Variants in ERC1 observed in about 807,000 individuals in gnomAD.
ERC1 encodes the protein RAB6 interacting protein 2.
In ERC1, 56 loss-of-function variants were observed where a neutral mutation model predicts 132.0. The ratio of observed to expected loss-of-function variants is 0.42; its 90% CI spans 0.34 to 0.53. The LOEUF (loss-of-function observed/expected upper bound fraction) is 0.53. ERC1 is among the 20% of genes least tolerant of loss of function. ERC1 has a pLI of 0.03. For synonymous variants in ERC1, 478 were observed against 476.1 expected (o/e 1.00, Z -0.05); for missense variants, 1,202 against 1,349.9 (o/e 0.89, Z 1.72).
At chr12:1,110,111 T>C in intron 4 of ERC1, 81 bp from the exon 5 acceptor site, 1 of 1,189,306 alleles carries the variant, frequency 8.4e-7, no homozygotes, top group African/African-American at 1.6e-5. Context: ...TTATTAAATG[T>C]AACTTCTTTA....
chr12:1,394,244 C>G (rs1354922922), intron 16 of ERC1, among the ~76,000 whole-genome samples: 1 of 146,560 alleles, frequency 6.8e-6, no homozygotes, highest in African/African-American at 2.5e-5. Context: ...ACTAAAAATA[C>G]AAAAAATTAG....
At chr12:1,254,728 G>A (rs975095705) in intron 13 of ERC1, among the ~76,000 whole-genome samples, 2 of 152,080 alleles carry the variant, frequency 1.3e-5, no homozygotes. Flanking sequence ...GGCCAGGCTG[G>A]TCTTGAACTC....
chr12:1,048,494 G>A (rs1355120871), intron 2 of ERC1, among the ~76,000 whole-genome samples: 1 of 152,132 alleles, frequency 6.6e-6, no homozygotes, highest in East Asian at 1.9e-4. Context: ...GGCTTCAGAG[G>A]ATCTTGAAAC....
At chr12:1,244,692 TGTGTGTC>T in intron 13 of ERC1, 1 of 377,728 alleles carries the variant, frequency 2.6e-6, no homozygotes, top group Non-Finnish European at 5.3e-6. Context: ...TGGCTAATTT[TGTGTGTC>T]TGTTTTTATT....
Position 1,493,378 on chromosome 12 carries a change from T to C in ERC1, c.*3148T>C. The C allele has an allele frequency of 5.8e-6, 1 of 173,118 alleles. No homozygotes were observed. Among genetic ancestry groups the C allele is most frequent in the Non-Finnish European group, 1.2e-5 (1 of 80,158 alleles). The allele number at this position is 173,118 out of a possible 1,614,324, so 10.7% of individuals were successfully genotyped here. ...GCCAAGATGGCAAAAACCCCGACTC[T>C]ACTAAAAATACAAAATTAGCCAGGC... On this transcript the variant is annotated 3_prime_UTR_variant, in exon 19 of 19. Transcript: ENST00000360905.
At chr12:1,440,250 G>A (rs1384287367) in intron 17 of ERC1, among the ~76,000 whole-genome samples, 3 of 139,854 alleles carry the variant, frequency 2.1e-5, no homozygotes, top group Non-Finnish European at 3.0e-5. Flanking sequence ...TGTCGCCCAG[G>A]CTGGAGTGCA....
intron 12 of ERC1, among the ~76,000 whole-genome samples, chr12:1,199,348 T>C (rs1956675206): frequency 6.6e-6 from 1 of 152,266 alleles, no homozygotes; most frequent in South Asian, 2.1e-4. Context: ...TCTGGAACTA[T>C]TAGCTCTTGG....
At chr12:1,026,194 G>A (rs896975860) in intron 1 of ERC1, among the ~76,000 whole-genome samples, 1 of 152,116 alleles carries the variant, frequency 6.6e-6, no homozygotes, top group Non-Finnish European at 1.5e-5. Context: ...CTTACATGGC[G>A]ACAGGCAAGA....
chr12:1,174,972 T>C (rs890047859), intron 8 of ERC1, among the ~76,000 whole-genome samples: 7 of 152,234 alleles, frequency 4.6e-5, no homozygotes, highest in African/African-American at 1.7e-4. Flanking sequence ...GTCACACAAA[T>C]TTTTTGGCTT....
At chr12:1,178,717 A>G (rs1306933722) in intron 8 of ERC1, among the ~76,000 whole-genome samples, 3 of 152,192 alleles carry the variant, frequency 2.0e-5, no homozygotes, top group East Asian at 1.9e-4. Flanking sequence ...TATCAGCTCA[A>G]GAGGAGATGG....
intron 6 of ERC1, among the ~76,000 whole-genome samples, chr12:1,113,620 A>G (rs1469993444): frequency 6.6e-6 from 1 of 152,254 alleles, no homozygotes; most frequent in Non-Finnish European, 1.5e-5. Flanking sequence ...TATAGTATAT[A>G]TTAAAAAGGG....
chr12:1,232,373 C>CA (rs1288073488), intron 12 of ERC1, among the ~76,000 whole-genome samples: 2 of 152,192 alleles, frequency 1.3e-5, no homozygotes, highest in Non-Finnish European at 2.9e-5. Flanking sequence ...TCTCAGGCAA[C>CA]AGACATTCAT....
chr12:1,454,228 C>T (rs1022871999), intron 18 of ERC1, among the ~76,000 whole-genome samples: 16 of 152,196 alleles, frequency 1.1e-4, no homozygotes, highest in Non-Finnish European at 1.6e-4. Context: ...AGAGAGGTCA[C>T]GGAAGCTCCA....
intron 17 of ERC1, among the ~76,000 whole-genome samples, chr12:1,409,693 T>C (rs1345981440): frequency 6.6e-6 from 1 of 152,042 alleles, no homozygotes; most frequent in African/African-American, 2.4e-5. Context: ...ACACACATCC[T>C]CCCATATACT....
At chr12:1,008,953 G>C (rs1026925077) in intron 1 of ERC1, among the ~76,000 whole-genome samples, 6 of 152,130 alleles carry the variant, frequency 3.9e-5, no homozygotes, top group African/African-American at 1.4e-4. Context: ...TGGAATAACT[G>C]CTCACTGGAT....
intron 8 of ERC1, among the ~76,000 whole-genome samples, chr12:1,162,937 A>G (rs920711958): frequency 6.6e-6 from 1 of 152,110 alleles, no homozygotes; most frequent in African/African-American, 2.4e-5. Flanking sequence ...CTCACTTTGC[A>G]GTTCTTTGTT....
chr12:1,457,358 G>T (rs899158424), intron 18 of ERC1, among the ~76,000 whole-genome samples: 8 of 152,104 alleles, frequency 5.3e-5, no homozygotes, highest in Non-Finnish European at 7.4e-5. Context: ...CTCCCTCATG[G>T]GTCCTCATAA....
At position 1,083,255 on chromosome 12, in the gene ERC1, C is replaced by T; in HGVS notation, c.761C>T (p.Thr254Ile). 1 of 1,614,204 alleles carries T rather than the reference C, an allele frequency of 6.2e-7. No homozygotes were observed. The highest frequency in any genetic ancestry group is 1.3e-5 in the African/African-American group (1 of 75,060). The change falls in exon 3 of 19, where the codon ACT becomes ATT. Residue 254 changes from threonine (T) to isoleucine (I), a missense_variant. Thr to Ile is a moderately conservative substitution (Grantham distance 89, BLOSUM62 -1). Transcript: ENST00000360905. ...QLFQQDSSSR[T>I]GEPCVAELTE... is the part of the protein sequence containing the mutation. ...TTTCAGCAGGATAGTAGCAGCAGGA[C>T]TGGCGAACCTTGTGTAGCAGAGCTG...
rs1330531530 is a variant in ERC1, at chr12:1,495,815, A to G, written c.*5585A>G. Reference sequence around the variant, plus strand: ...GTTACTGACAGGATAATGACATTACAAAGAAATTGTGTTATATTCAACTTT... The same window carrying G: ...GTTACTGACAGGATAATGACATTACGAAGAAATTGTGTTATATTCAACTTT... On this transcript the variant is annotated 3_prime_UTR_variant, in exon 19 of 19. Transcript: ENST00000360905. 5.2e-5 allele frequency: 11 copies of G among 212,266 alleles called. No individual in the cohort carries two copies. The highest frequency in any genetic ancestry group is 8.6e-5 in the Non-Finnish European group (9 of 104,818). 13.1% of individuals were successfully genotyped at this position (212,266 alleles called of 1,614,324 possible). A position where few individuals can be genotyped will look rare whatever the true frequency, so the allele number is the denominator to read the frequency against.
Sources: allele counts gnomAD v4.1 joint callset (sites outside exome capture counted in the v4.1 genomes callset), GRCh38; gene constraint gnomAD v4.1.1; transcripts MANE v1.5; gene names NCBI Gene and HGNC (gene_info 2026-07-23, HGNC 2026-07-21).